Variants in NRXN3 observed in about 807,000 individuals in gnomAD.
NRXN3 encodes neurexin III.
NRXN3 carries 32 observed loss-of-function variants against 137.6 expected under a neutral mutation model. The observed-to-expected ratio is 0.23, with a 90% CI of 0.18 to 0.31. The LOEUF (loss-of-function observed/expected upper bound fraction) is 0.31, where lower values mean the gene tolerates loss of function less well. Ranked by LOEUF, NRXN3 falls within the 10% of genes least tolerant of loss-of-function variation. The pLI is 1.00. For missense variants in NRXN3, 1,574 were observed against 2,062.5 expected (o/e 0.76, Z 4.59); for synonymous variants, 798 against 784.5 (o/e 1.02, Z -0.29).
At chr14:79,741,521 G>A (rs1342569823) in intron 19 of NRXN3, among the ~76,000 whole-genome samples, 6 of 151,924 alleles carry the variant, frequency 3.9e-5, no homozygotes, top group Non-Finnish European at 8.8e-5. Flanking sequence ...GTCTTGCTCT[G>A]TCACCCAGGC....
At chr14:78,949,992 T>A (rs951669116) in intron 10 of NRXN3, among the ~76,000 whole-genome samples, 5 of 152,178 alleles carry the variant, frequency 3.3e-5, no homozygotes, top group African/African-American at 1.2e-4. Flanking sequence ...CACATTCAGC[T>A]TCAAAATCTG....
chr14:79,320,930 T>C (rs1279389517), intron 15 of NRXN3, among the ~76,000 whole-genome samples: 3 of 152,054 alleles, frequency 2.0e-5, no homozygotes, highest in Non-Finnish European at 2.9e-5. Flanking sequence ...CCAATACCTA[T>C]CACAGTACTT....
At chr14:78,372,587 A>G (rs1447615211) in intron 4 of NRXN3, among the ~76,000 whole-genome samples, 1 of 152,184 alleles carries the variant, frequency 6.6e-6, no homozygotes, top group East Asian at 1.9e-4. Flanking sequence ...TTGGTTTCCC[A>G]AAGTGCTAGG....
At chr14:79,340,198 TGA>T (rs1228407752) in intron 15 of NRXN3, among the ~76,000 whole-genome samples, 2 of 150,760 alleles carry the variant, frequency 1.3e-5, no homozygotes, top group Non-Finnish European at 1.5e-5. Flanking sequence ...TGTATGTGTG[TGA>T]GAGAGAGAGA....
At chr14:79,788,039 A>G (rs932208646) in intron 19 of NRXN3, among the ~76,000 whole-genome samples, 1 of 152,162 alleles carries the variant, frequency 6.6e-6, no homozygotes, top group Admixed American at 6.5e-5. Flanking sequence ...AAAGAGGTTT[A>G]ATGGACTTCA....
At chr14:79,595,592 A>G (rs1243628714) in intron 16 of NRXN3, among the ~76,000 whole-genome samples, 3 of 152,204 alleles carry the variant, frequency 2.0e-5, no homozygotes, top group South Asian at 2.1e-4. Flanking sequence ...TAATAAAACT[A>G]TATTTCACCT....
chr14:79,687,794 C>A (rs191260592), intron 17 of NRXN3, among the ~76,000 whole-genome samples: 13 of 152,280 alleles, frequency 8.5e-5, no homozygotes, highest in Non-Finnish European at 1.5e-4. Flanking sequence ...AGCTTAGCAG[C>A]AGTATATCAT....
chr14:78,597,178 C>G (rs1352502039), intron 4 of NRXN3, among the ~76,000 whole-genome samples: 2 of 152,132 alleles, frequency 1.3e-5, no homozygotes, highest in East Asian at 3.9e-4. Flanking sequence ...GTCTGAGAAG[C>G]TGGAATAAAT....
chr14:78,899,371 G>A (rs1232935848), intron 10 of NRXN3, among the ~76,000 whole-genome samples: 1 of 151,966 alleles, frequency 6.6e-6, no homozygotes, highest in African/African-American at 2.4e-5. Context: ...TCCTGATGCT[G>A]TAGATAGTTT....
At chr14:78,763,692 G>A (rs543141939) in intron 8 of NRXN3, among the ~76,000 whole-genome samples, 1 of 152,178 alleles carries the variant, frequency 6.6e-6, no homozygotes, top group East Asian at 1.9e-4. Flanking sequence ...AGAAACATAC[G>A]GAGATTGTAT....
intron 4 of NRXN3, among the ~76,000 whole-genome samples, chr14:78,554,619 A>G (rs531922009): frequency 4.6e-5 from 7 of 152,344 alleles, no homozygotes; most frequent in Admixed American, 2.6e-4. Flanking sequence ...AATCTTCTGC[A>G]TAGAGACCTT....
At chr14:79,763,092 C>T (rs2099044228) in intron 19 of NRXN3, among the ~76,000 whole-genome samples, 1 of 150,818 alleles carries the variant, frequency 6.6e-6, no homozygotes, top group Non-Finnish European at 1.5e-5. Context: ...CATTGTTCAA[C>T]TCCCACTTAT....
chr14:78,355,353 T>A, intron 4 of NRXN3, among the ~76,000 whole-genome samples: 1 of 148,322 alleles, frequency 6.7e-6, no homozygotes, highest in East Asian at 2.0e-4. Context: ...ATATTGACTT[T>A]TTTTTTTTTT....
At chr14:79,774,184 T>C (rs902386544) in intron 19 of NRXN3, among the ~76,000 whole-genome samples, 2 of 152,172 alleles carry the variant, frequency 1.3e-5, no homozygotes, top group Non-Finnish European at 2.9e-5. Context: ...ATTTGGTTTA[T>C]ATGTTGATCA....
chr14:79,112,918 T>C (rs1420088758), intron 15 of NRXN3, among the ~76,000 whole-genome samples: 1 of 152,152 alleles, frequency 6.6e-6, no homozygotes, highest in African/African-American at 2.4e-5. Context: ...AAGTTTAAAG[T>C]TGAGACGCAG....
chr14:79,490,557 G>A (rs1451327232), intron 16 of NRXN3, among the ~76,000 whole-genome samples: 1 of 152,056 alleles, frequency 6.6e-6, no homozygotes, highest in African/African-American at 2.4e-5. Context: ...AGTGAAATAA[G>A]CCAAGCACAG....
intron 8 of NRXN3, among the ~76,000 whole-genome samples, chr14:78,722,398 A>G (rs1298458332): frequency 6.6e-6 from 1 of 152,216 alleles, no homozygotes; most frequent in East Asian, 1.9e-4. Context: ...ACATCTGCCC[A>G]TAATAATGCA....
intron 15 of NRXN3, among the ~76,000 whole-genome samples, chr14:79,400,018 A>C (rs1267347200): frequency 1.3e-5 from 2 of 152,240 alleles, no homozygotes; most frequent in East Asian, 3.9e-4. Context: ...GTGCATGTGC[A>C]CCTGTGTGTG....
At chr14:78,858,215 A>G (rs1335025170) in intron 10 of NRXN3, among the ~76,000 whole-genome samples, 2 of 151,924 alleles carry the variant, frequency 1.3e-5, no homozygotes, top group African/African-American at 2.4e-5. Flanking sequence ...GCAGTAGGAG[A>G]GCTGATGTCA....
Sources: allele counts gnomAD v4.1 joint callset (sites outside exome capture counted in the v4.1 genomes callset), GRCh38; gene constraint gnomAD v4.1.1; transcripts MANE v1.5; gene names NCBI Gene and HGNC (gene_info 2026-07-23, HGNC 2026-07-21).